ENTPD1: variants seen among roughly 807,000 people sequenced by gnomAD.
ENTPD1 encodes the protein ectonucleoside triphosphate diphosphohydrolase 1.
ENTPD1 carries 33 observed loss-of-function variants against 57.0 expected under a neutral mutation model. That is an observed-to-expected ratio of 0.58 (90% CI 0.44 to 0.77). The LOEUF is 0.77. Among genes scored for constraint, ENTPD1 ranks in the 30% least tolerant of loss-of-function variants. The pLI, the probability that ENTPD1 is intolerant of heterozygous loss-of-function variation, is 0.00. For synonymous variants in ENTPD1, 202 were observed against 218.8 expected (o/e 0.92, Z 0.68); for missense variants, 501 against 603.4 (o/e 0.83, Z 1.78).
rs935098178 is a variant in ENTPD1, at chr10:95,875,809, T to A, written c.*9426T>A. 4.9e-6 allele frequency: 1 copy of A among 202,470 alleles called. No homozygotes were observed. Among genetic ancestry groups the A allele is most frequent in the African/African-American group, 2.4e-5 (1 of 42,358 alleles). The allele number at this position is 202,470 out of a possible 1,614,324, so 12.5% of individuals were successfully genotyped here. The stretch of plus-strand genomic sequence containing the variant: ...AAGCAGCAAAAGCAGAAACCCCTGA[T>A]AAAACCATCAGATCTCGTGAGACTT... On this transcript the variant is annotated 3_prime_UTR_variant, in exon 10 of 10. Coordinates refer to ENST00000371205, the MANE Select transcript of ENTPD1 (RefSeq NM_001776.6).
chr10:95,865,872 A>T (rs1241480458), intron 9 of ENTPD1, among the ~76,000 whole-genome samples: 3 of 151,972 alleles, frequency 2.0e-5, no homozygotes, highest in Non-Finnish European at 4.4e-5. Flanking sequence ...GGATTAAATG[A>T]TCCTCCCCAC....
In ENTPD1 at chr10:95,791,068, AT is replaced by A. The variant is rs2098201828; in HGVS notation, c.17-32166del. On this transcript the variant is annotated intron_variant, in intron 1 of 9. Coordinates refer to ENST00000371205, the MANE Select transcript of ENTPD1 (RefSeq NM_001776.6). This position sits in a 1 kb window ranked among gnomAD's most constrained non-coding sequence, Gnocchi z 4.1. ...AAATGAGCTGAAACCATAGGTTGAC[AT>A]TTAATTGATACACACAAGGTGAGAT... 1.3e-5 allele frequency among the ~76,000 whole-genome samples: 2 copies of A among 152,216 alleles called. No individual in the cohort carries two copies. The highest frequency in any genetic ancestry group is 4.8e-5 in the African/African-American group (2 of 41,454).
chr10:95,784,587 C>T (rs763181662), intron 1 of ENTPD1, among the ~76,000 whole-genome samples: 6 of 152,176 alleles, frequency 3.9e-5, no homozygotes, highest in Non-Finnish European at 5.9e-5. Flanking sequence ...TGCTATATGG[C>T]TTTCTGCATG....
chr10:95,834,240 T>C (rs555686424), intron 2 of ENTPD1, among the ~76,000 whole-genome samples: 1 of 152,358 alleles, frequency 6.6e-6, no homozygotes, highest in East Asian at 1.9e-4. Flanking sequence ...GTGGATGCTG[T>C]ATATACTGTG....
At chr10:95,823,108 TA>T in intron 1 of ENTPD1, 128 bp from the exon 2 acceptor site, 2 of 1,074,748 alleles carry the variant, frequency 1.9e-6, no homozygotes, top group Non-Finnish European at 2.8e-6. Context: ...ACCTCATTGA[TA>T]AAAAAGATTG....
At chr10:95,727,949 TTTA>T (rs1235902128) in intron 1 of ENTPD1, among the ~76,000 whole-genome samples, 1 of 152,194 alleles carries the variant, frequency 6.6e-6, no homozygotes. Context: ...ATTATCTAAG[TTTA>T]TTATTAAGTT....
At chr10:95,734,805 G>A (rs182555984) in intron 1 of ENTPD1, among the ~76,000 whole-genome samples, 2 of 152,268 alleles carry the variant, frequency 1.3e-5, no homozygotes, top group East Asian at 3.9e-4. Flanking sequence ...ACATTGTTTG[G>A]TGTCAGTGTC....
chr10:95,741,570 C>T (rs933067372), intron 1 of ENTPD1, among the ~76,000 whole-genome samples: 11 of 152,230 alleles, frequency 7.2e-5, no homozygotes, highest in African/African-American at 2.4e-4. Flanking sequence ...TACAAACCTT[C>T]AATTTGTAAA....
chr10:95,796,080 T>C (rs991984660), intron 1 of ENTPD1, among the ~76,000 whole-genome samples: 4 of 152,332 alleles, frequency 2.6e-5, no homozygotes, highest in Admixed American at 2.0e-4. Context: ...TAAAACATGT[T>C]TGAAGTAGTC....
At chr10:95,778,369 T>TGG (rs1370473342) in intron 1 of ENTPD1, among the ~76,000 whole-genome samples, 8 of 152,292 alleles carry the variant, frequency 5.3e-5, no homozygotes, top group African/African-American at 1.9e-4. Context: ...ACAGGTGGTT[T>TGG]GTAGTTGAGG....
chr10:95,855,077 T>C (rs1221896669), intron 7 of ENTPD1, among the ~76,000 whole-genome samples: 3 of 152,206 alleles, frequency 2.0e-5, no homozygotes, highest in East Asian at 3.8e-4. Context: ...AGTCTAAGTC[T>C]CTTTGTGGGT....
At chr10:95,753,533 C>T (rs1009732066), upstream of ENTPD1, 5 of 152,192 alleles carry the variant, frequency 3.3e-5, no homozygotes, top group African/African-American at 1.2e-4. Flanking sequence ...TGAGATTTTA[C>T]CTCTCCTGGT....
At chr10:95,792,428 CT>C in intron 1 of ENTPD1, among the ~76,000 whole-genome samples, 1 of 152,080 alleles carries the variant, frequency 6.6e-6, no homozygotes. Context: ...AGAGAAAGGG[CT>C]GAAGAAAGCA....
At chr10:95,864,117 AAGAC>A (rs1443535355) in intron 8 of ENTPD1, among the ~76,000 whole-genome samples, 1 of 152,220 alleles carries the variant, frequency 6.6e-6, no homozygotes, top group African/African-American at 2.4e-5. Flanking sequence ...AAAAGACATT[AAGAC>A]AGAAGATAGA....
chr10:95,833,754 G>A (rs2098402932), intron 2 of ENTPD1: 1 of 153,270 alleles, frequency 6.5e-6, no homozygotes. Flanking sequence ...TGGCAGGCTT[G>A]GTGTCTGGTA....
rs200561277 is a variant in ENTPD1 at position 95,784,102 on chromosome 10, C to CTTTTTTTTTT, written c.16+27854_16+27863dup. On this transcript the variant is annotated intron_variant, in intron 1 of 9. Transcript: ENST00000371205. ...TGTATAATCAGGTGCTTTGCTTGTT[C>CTTTTTTTTTT]TTTTTTTTTTTTTTTTGATTGTAGA... Among the ~76,000 whole-genome samples, 41 of 134,546 alleles carry CTTTTTTTTTT rather than the reference C, an allele frequency of 3.0e-4. 1 individual carries two copies. Among genetic ancestry groups the CTTTTTTTTTT allele is most frequent in the Non-Finnish European group, 4.3e-4 (27 of 63,232 alleles). 88.3% of individuals were successfully genotyped at this position (134,546 alleles called of 152,430 possible).
chr10:95,871,642 G>A lies in ENTPD1; in HGVS notation c.*5259G>A, dbSNP rs927536963. The A allele has an allele frequency of 9.1e-6, 9 of 985,014 alleles. No individual in the cohort carries two copies. In the African/African-American group the frequency reaches 1.6e-4, roughly 17 times the overall value. The allele number at this position is 985,014 out of a possible 1,614,324, so 61.0% of individuals were successfully genotyped here. On this transcript the variant is annotated 3_prime_UTR_variant, in exon 10 of 10. Transcript: ENST00000371205. ...TGGCATTCAAGACTCTTCATTTGAAGTGAAGATTGCTATGTCTTTTGCATT... is the reference window on the plus strand; with the variant it reads ...TGGCATTCAAGACTCTTCATTTGAAATGAAGATTGCTATGTCTTTTGCATT...
Position 95,867,845 on chromosome 10 carries a change from TG to T in ENTPD1, c.*1463del. 1.0e-6 allele frequency: 1 copy of T among 985,460 alleles called. No homozygotes were observed. The highest frequency in any genetic ancestry group is 1.2e-6 in the Non-Finnish European group (1 of 829,932). The allele number at this position is 985,460 out of a possible 1,614,324, so 61.0% of individuals were successfully genotyped here. A position where few individuals can be genotyped will look rare whatever the true frequency, so the allele number is the denominator to read the frequency against. ...CGGAAGCCAAATGTCCCCTATCTCT[TG>T]AATGATCAAGTCACTTTTGACAACA... On this transcript the variant is annotated 3_prime_UTR_variant, in exon 10 of 10. Coordinates refer to ENST00000371205, the MANE Select transcript of ENTPD1 (RefSeq NM_001776.6).
chr10:95,745,853 A>G (rs1369173051), intron 1 of ENTPD1, among the ~76,000 whole-genome samples: 4 of 152,094 alleles, frequency 2.6e-5, no homozygotes, highest in Non-Finnish European at 5.9e-5. Flanking sequence ...GTAGACTTTC[A>G]CTTTGGAAGA....
Sources: gnomAD v4.1 joint callset for allele counts (sites outside exome capture counted in the v4.1 genomes callset) on GRCh38, gnomAD v4.1.1 for gene constraint, Gnocchi (gnomAD v3.1) non-coding constraint, MANE v1.5 for transcripts, NCBI Gene and HGNC (gene_info 2026-07-23, HGNC 2026-07-21) for gene names.